CELF1: variants seen among roughly 807,000 people sequenced by gnomAD.
The protein encoded by CELF1 is 50 kDa nuclear polyadenylated RNA-binding protein.
A neutral mutation model predicts 61.8 loss-of-function variants in CELF1; 10 were observed. That is an observed-to-expected ratio of 0.16 (90% confidence interval 0.10 to 0.27). The LOEUF (loss-of-function observed/expected upper bound fraction) is 0.27, where lower values mean the gene tolerates loss of function less well. CELF1 is among the 10% of genes least tolerant of loss of function. The pLI is 1.00. For missense variants in CELF1, 380 were observed against 639.1 expected (o/e 0.59, Z 4.37); for synonymous variants, 236 against 225.1 (o/e 1.05, Z -0.43).
rs61895097 is a variant in CELF1 at position 47,474,636 on chromosome 11, T to A, written c.1273+700A>T. 2.8e-3 allele frequency among the ~76,000 whole-genome samples: 432 copies of A among 152,326 alleles called. 1 individual carries two copies. Among genetic ancestry groups the A allele is most frequent in the Middle Eastern group, 6.8e-3 (2 of 294 alleles). ...GTGATTCACAGCAGGTGAGGAGAGA[T>A]GAACCAGGACTTTCTGCTGTGACAA... is the stretch of plus-strand genomic sequence containing the variant. On this transcript the variant is annotated intron_variant, in intron 13 of 14. Transcript: ENST00000687097.
intron 5 of CELF1, 120 bp downstream of exon 5, chr11:47,487,039 T>C (rs756354527): frequency 7.5e-5 from 62 of 825,728 alleles, no homozygotes; most frequent in Middle Eastern, 4.6e-4. Flanking sequence ...TTCCTTTACA[T>C]CAATTCCTGC....
chr11:47,523,197 A>T (rs1046973665), intron 1 of CELF1: 11 of 152,236 alleles, frequency 7.2e-5, no homozygotes, highest in African/African-American at 2.7e-4. Flanking sequence ...AAAAAGGCCA[A>T]GAACAAAAAG....
In CELF1 at chr11:47,466,982, G is replaced by C. The variant is rs1239328167; in HGVS notation, c.*5248C>G. 6.6e-6 allele frequency: 1 copy of C among 151,898 alleles called. No homozygotes were observed. Among genetic ancestry groups the C allele is most frequent in the African/African-American group, 2.4e-5 (1 of 41,318 alleles). 9.4% of individuals were successfully genotyped at this position (151,898 alleles called of 1,614,324 possible). A position where few individuals can be genotyped will look rare whatever the true frequency, so the allele number is the denominator to read the frequency against. ...CTGGCTGCCCTTTCCCCCAGGCAGA[G>C]CGGCCTTGGGCATAATACCAGGCAA... On this transcript the variant is annotated 3_prime_UTR_variant, in exon 15 of 15. Coordinates refer to ENST00000687097, the MANE Select transcript of CELF1 (RefSeq NM_001376376.1).
chr11:47,537,511 T>C (rs1032255175), intron 1 of CELF1, among the ~76,000 whole-genome samples: 1 of 152,100 alleles, frequency 6.6e-6, no homozygotes, highest in African/African-American at 2.4e-5. Context: ...TCTCCCAATG[T>C]GCTGGGATTA....
intron 2 of CELF1, among the ~76,000 whole-genome samples, chr11:47,558,566 A>AT (rs2097213716): frequency 9.4e-6 from 1 of 106,214 alleles, no homozygotes; most frequent in Non-Finnish European, 1.8e-5. Context: ...ATTTATATAT[A>AT]ATATATAAAT....
chr11:47,556,913 AT>A (rs1174449561), upstream of CELF1, among the ~76,000 whole-genome samples: 3 of 151,974 alleles, frequency 2.0e-5, no homozygotes, highest in Non-Finnish European at 4.4e-5. Context: ...TTTATTATTT[AT>A]TTTGAGACGG....
intron 3 of CELF1, among the ~76,000 whole-genome samples, chr11:47,496,886 T>C (rs997301797): frequency 2.0e-5 from 3 of 152,230 alleles, no homozygotes; most frequent in Admixed American, 6.5e-5. Context: ...TCCAAGATTT[T>C]AGATTAAGTG....
At chr11:47,480,874 A>C (rs1437215446) in intron 9 of CELF1, among the ~76,000 whole-genome samples, 1 of 152,088 alleles carries the variant, frequency 6.6e-6, no homozygotes, top group African/African-American at 2.4e-5. Flanking sequence ...TGTCTCTACT[A>C]AAACTACAAA....
chr11:47,565,424 T>G (rs947873190), exon 1 of CELF1: 3 of 375,932 alleles, frequency 8.0e-6, no homozygotes, highest in African/African-American at 2.1e-5. Context: ...GAAACCTCGG[T>G]CCCTCCTCCG....
chr11:47,519,186 T>G (rs185443626), intron 1 of CELF1, among the ~76,000 whole-genome samples: 150 of 152,254 alleles, frequency 9.9e-4, no homozygotes, highest in African/African-American at 3.3e-3. Flanking sequence ...TTCTATTCTA[T>G]TATCACTTTT....
chr11:47,491,334 T>C (rs2091378496), intron 3 of CELF1, among the ~76,000 whole-genome samples: 4 of 152,094 alleles, frequency 2.6e-5, no homozygotes, highest in Admixed American at 1.3e-4. Flanking sequence ...GGCTAATTTT[T>C]GTATTTTTAG....
chr11:47,524,164 T>G (rs925734138), intron 1 of CELF1, among the ~76,000 whole-genome samples: 10 of 152,204 alleles, frequency 6.6e-5, no homozygotes, highest in Non-Finnish European at 1.3e-4. Context: ...TTTCAAGATG[T>G]GCACTAAATC....
intron 1 of CELF1, among the ~76,000 whole-genome samples, chr11:47,535,008 A>G (rs1013370949): frequency 1.2e-4 from 18 of 152,094 alleles, no homozygotes; most frequent in Non-Finnish European, 7.4e-5. Flanking sequence ...TTTTTTCCCT[A>G]AGTTGGAAGC....
At chr11:47,556,253 T>C (rs2097205467), upstream of CELF1, among the ~76,000 whole-genome samples, 1 of 152,204 alleles carries the variant, frequency 6.6e-6, no homozygotes, top group Non-Finnish European at 1.5e-5. Context: ...AGTGCTATCA[T>C]AGTTCACAGC....
intron 10 of CELF1, 78 bp downstream of exon 10, chr11:47,478,799 G>T: frequency 8.5e-7 from 1 of 1,181,280 alleles, no homozygotes; most frequent in Non-Finnish European, 1.2e-6. Context: ...CAGAAACGAT[G>T]CCAAACTCCC....
intron 1 of CELF1, among the ~76,000 whole-genome samples, chr11:47,519,276 C>T (rs541592439): frequency 1.3e-5 from 2 of 151,864 alleles, no homozygotes; most frequent in Non-Finnish European, 2.9e-5. Context: ...GGTCAGAGTT[C>T]GAGACCAGCC....
At chr11:47,494,741 T>G (rs1378649979) in intron 3 of CELF1, among the ~76,000 whole-genome samples, 2 of 152,192 alleles carry the variant, frequency 1.3e-5, no homozygotes, top group East Asian at 3.9e-4. Flanking sequence ...GACCTATGCT[T>G]AAAACAAAAA....
At chr11:47,525,901 G>A (rs1206907092) in intron 1 of CELF1, among the ~76,000 whole-genome samples, 15 of 149,652 alleles carry the variant, frequency 1.0e-4, no homozygotes, top group Admixed American at 5.4e-4. Context: ...GCAATGTGGC[G>A]AGAACCCGTC....
At chr11:47,563,061 A>G (rs1240293524) in intron 2 of CELF1, among the ~76,000 whole-genome samples, 4 of 151,928 alleles carry the variant, frequency 2.6e-5, no homozygotes, top group Non-Finnish European at 4.4e-5. Flanking sequence ...TACAAATAAT[A>G]AAAAATTAGC....
Sources: gnomAD v4.1 joint callset for allele counts (sites outside exome capture counted in the v4.1 genomes callset) on GRCh38, gnomAD v4.1.1 for gene constraint, MANE v1.5 for transcripts, NCBI Gene and HGNC (gene_info 2026-07-23, HGNC 2026-07-21) for gene names.